The following PPP2R1A variants were observed in gnomAD, a reference collection of about 807,000 sequenced individuals.
PPP2R1A encodes the protein serine/threonine-protein phosphatase 2A 65 kDa regulatory subunit A alpha isoform.
PPP2R1A carries 15 observed loss-of-function variants against 67.1 expected under a neutral mutation model. The observed-to-expected ratio is 0.22, with a 90% CI of 0.15 to 0.34. The LOEUF is 0.34. Among genes scored for constraint, PPP2R1A ranks in the 10% least tolerant of loss-of-function variants. The probability of loss-of-function intolerance (pLI) is 1.00; values close to 1 mark genes in which losing one functional copy is unlikely to be tolerated. For synonymous variants in PPP2R1A, 337 were observed against 325.0 expected (o/e 1.04, Z -0.40); for missense variants, 369 against 775.0 (o/e 0.48, Z 6.22).
At chr19:52,191,406 G>A (rs1271401296) in intron 1 of PPP2R1A, 1 of 152,218 alleles carries the variant, frequency 6.6e-6, no homozygotes. Context: ...ATGGTGTCAG[G>A]CCTGTTGTAA....
At chr19:52,192,884 C>T (rs1257310636) in intron 1 of PPP2R1A, among the ~76,000 whole-genome samples, 1 of 152,206 alleles carries the variant, frequency 6.6e-6, no homozygotes, top group Admixed American at 6.5e-5. Context: ...AGGTGTTCAT[C>T]TGTCTGGAAG....
In PPP2R1A at chr19:52,219,106, C is replaced by G. The variant is rs1978759340; in HGVS notation, c.1129-585C>G. Among the ~76,000 whole-genome samples, 1 of 152,212 alleles carries G rather than the reference C, an allele frequency of 6.6e-6. No individual in the cohort carries two copies. The highest frequency in any genetic ancestry group is 2.4e-5 in the African/African-American group (1 of 41,456). The stretch of plus-strand genomic sequence containing the variant: ...GTGAGGTATAGTCTCTGAGCCTTCT[C>G]TTCTCATGCACATGTTCAGCAGCTT... On this transcript the variant is annotated intron_variant, in intron 9 of 14. Coordinates refer to ENST00000322088, the MANE Select transcript of PPP2R1A (RefSeq NM_014225.6). The surrounding 1 kb of genome is among the most constrained non-coding windows in gnomAD (Gnocchi z 4.0).
chr19:52,204,658 A>T, intron 2 of PPP2R1A, among the ~76,000 whole-genome samples: 1 of 152,316 alleles, frequency 6.6e-6, no homozygotes, highest in African/African-American at 2.4e-5. Flanking sequence ...CAGGAGACAA[A>T]GAAAACAGGG....
chr19:52,213,248 A>T lies in PPP2R1A; in HGVS notation c.807+138A>T. On this transcript the variant is annotated intron_variant, in intron 6 of 14. Transcript: ENST00000322088. The surrounding 1 kb of genome is among the most constrained non-coding windows in gnomAD (Gnocchi z 4.2). ...AGCAATAAGATCTCTATGATCATCT[A>T]ACTGCGTCTCGCTTCGTGTGCCAAT... 1.8e-6 allele frequency: 2 copies of T among 1,128,474 alleles called. No individual in the cohort carries two copies. The highest frequency in any genetic ancestry group is 2.4e-6 in the Non-Finnish European group (2 of 840,762). The allele number at this position is 1,128,474 out of a possible 1,614,324, so 69.9% of individuals were successfully genotyped here.
chr19:52,210,748 T>A (rs1365795024), intron 3 of PPP2R1A, among the ~76,000 whole-genome samples: 1 of 152,196 alleles, frequency 6.6e-6, no homozygotes, highest in African/African-American at 2.4e-5. Context: ...CGCTTCAGCC[T>A]CCCATAGTGC....
intron 1 of PPP2R1A, chr19:52,201,251 T>C (rs564589539): frequency 6.6e-6 from 1 of 152,428 alleles, no homozygotes; most frequent in Admixed American, 6.5e-5. Context: ...CCTGTACTGG[T>C]GGTATTATTA....
chr19:52,219,904 G>T lies in PPP2R1A; in HGVS notation c.1302+40G>T, dbSNP rs902879350. 12 of 1,583,460 alleles carry T rather than the reference G, an allele frequency of 7.6e-6. No individual in the cohort carries two copies. The highest frequency in any genetic ancestry group is 1.0e-5 in the Non-Finnish European group (12 of 1,165,904). On this transcript the variant is annotated intron_variant, in intron 10 of 14. Coordinates refer to ENST00000322088, the MANE Select transcript of PPP2R1A (RefSeq NM_014225.6). The surrounding 1 kb of genome is among the most constrained non-coding windows in gnomAD (Gnocchi z 4.0). ...CTGGGGGCCAGGCAGTGCTGCCTCA[G>T]GGGAGGTGCAGTATGTCCAGGGCTG...
intron 1 of PPP2R1A, chr19:52,190,426 G>C: frequency 3.5e-6 from 2 of 564,980 alleles, no homozygotes; most frequent in Non-Finnish European, 6.4e-6. Flanking sequence ...GCGGCGGTCC[G>C]CGGTCCTGGG....
intron 1 of PPP2R1A, among the ~76,000 whole-genome samples, chr19:52,190,645 A>G (rs2089445036): frequency 6.6e-6 from 1 of 152,110 alleles, no homozygotes. Context: ...CCGAGAGGCG[A>G]AGGCCTGCCA....
chr19:52,197,584 A>G (rs1452788865), intron 1 of PPP2R1A, among the ~76,000 whole-genome samples: 1 of 152,146 alleles, frequency 6.6e-6, no homozygotes, highest in African/African-American at 2.4e-5. Context: ...CTGAGGCGGG[A>G]GAATCACTTG....
chr19:52,216,223 C>T lies in PPP2R1A; in HGVS notation c.993+149C>T, dbSNP rs1047240478. ...TCTTGGGTTTCAAGCAGTTAGGGGTCCTGACTGCAGCTTGAGGCTGACCTT... is the reference window on the plus strand; with the variant it reads ...TCTTGGGTTTCAAGCAGTTAGGGGTTCTGACTGCAGCTTGAGGCTGACCTT... On this transcript the variant is annotated intron_variant, in intron 8 of 14. Coordinates refer to ENST00000322088, the MANE Select transcript of PPP2R1A (RefSeq NM_014225.6). This position sits in a 1 kb window ranked among gnomAD's most constrained non-coding sequence, Gnocchi z 4.3. 3.3e-5 allele frequency: 29 copies of T among 877,432 alleles called. No homozygotes were observed. Among genetic ancestry groups the T allele is most frequent in the Non-Finnish European group, 4.9e-5 (28 of 572,630 alleles). 54.4% of individuals were successfully genotyped at this position (877,432 alleles called of 1,614,324 possible).
rs1251350457 is a variant in PPP2R1A at position 52,223,569 on chromosome 19, T to C, written c.1661+1328T>C. Reference sequence around the variant, plus strand: ...TGGGGAAAAAGACTTGAATAGGCACTTGAAAAAGGATCTCCAAATAGCCAG... The same window carrying C: ...TGGGGAAAAAGACTTGAATAGGCACCTGAAAAAGGATCTCCAAATAGCCAG... On this transcript the variant is annotated intron_variant, in intron 13 of 14. Transcript: ENST00000322088. 1.1e-4 allele frequency among the ~76,000 whole-genome samples: 16 copies of C among 152,318 alleles called. No individual in the cohort carries two copies. In the East Asian group the frequency reaches 3.1e-3, roughly 29 times the overall value.
chr19:52,195,443 T>A (rs1181455781), intron 1 of PPP2R1A, among the ~76,000 whole-genome samples: 1 of 152,174 alleles, frequency 6.6e-6, no homozygotes, highest in Non-Finnish European at 1.5e-5. Flanking sequence ...AGCATTCAGT[T>A]CTGCAGCACA....
chr19:52,205,135 A>G (rs1452274000), intron 2 of PPP2R1A, among the ~76,000 whole-genome samples: 1 of 152,178 alleles, frequency 6.6e-6, no homozygotes, highest in African/African-American at 2.4e-5. Context: ...CGGCTGCTGG[A>G]TTGCCATACA....
rs1288901554 is a variant in PPP2R1A, at chr19:52,211,260, C to A, written c.271C>A (p.Pro91Thr). The change falls in exon 4 of 15, where the codon CCA becomes ACA. Residue 91 changes from proline (P) to threonine (T), a missense_variant and splice_region_variant. Around this residue, in one of 2 missense-constraint regions of PPP2R1A, gnomAD observed 93 missense variants for 266.5 expected, o/e 0.35. Coordinates refer to ENST00000322088, the MANE Select transcript of PPP2R1A (RefSeq NM_014225.6). The surrounding 1 kb of genome is among the most constrained non-coding windows in gnomAD (Gnocchi z 5.3). Reference sequence around the variant, plus strand: ...CAGTGACTTTGTGTTCTCACCACAGCCACCGCTGGAGTCGCTGGCCACAGT... The same window carrying A: ...CAGTGACTTTGTGTTCTCACCACAGACACCGCTGGAGTCGCTGGCCACAGT... ...GGPEYVHCLL[P>T]PLESLATVEE... The A allele has an allele frequency of 6.2e-7, 1 of 1,611,788 alleles. No individual in the cohort carries two copies. Among genetic ancestry groups the A allele is most frequent in the African/African-American group, 1.3e-5 (1 of 74,990 alleles).
chr19:52,227,407 C>T lies in PPP2R1A; in HGVS notation c.*1426C>T, dbSNP rs991889973. On this transcript the variant is annotated 3_prime_UTR_variant, in exon 15 of 15. Transcript: ENST00000322088. ...GTGAAGAGCCATGCCAGTACTGTCACCTGGGAGAATTAAACTGGTCAAGTG... is the reference window on the plus strand; with the variant it reads ...GTGAAGAGCCATGCCAGTACTGTCATCTGGGAGAATTAAACTGGTCAAGTG... 2 of 152,144 alleles carry T rather than the reference C, an allele frequency of 1.3e-5. No individual in the cohort carries two copies. The highest frequency in any genetic ancestry group is 2.9e-5 in the Non-Finnish European group (2 of 68,046). The allele number at this position is 152,144 out of a possible 1,614,324, so 9.4% of individuals were successfully genotyped here. A position where few individuals can be genotyped will look rare whatever the true frequency, so the allele number is the denominator to read the frequency against.
intron 3 of PPP2R1A, among the ~76,000 whole-genome samples, chr19:52,210,585 C>T (rs748363190): frequency 2.4e-4 from 36 of 151,456 alleles, no homozygotes; most frequent in Non-Finnish European, 4.9e-4. Context: ...CTCTGCCTCC[C>T]GGGTTCAAGG....
chr19:52,199,721 A>G (rs2089529493), intron 1 of PPP2R1A, among the ~76,000 whole-genome samples: 1 of 152,238 alleles, frequency 6.6e-6, no homozygotes, highest in Non-Finnish European at 1.5e-5. Flanking sequence ...AATGTATAGA[A>G]TAAGTTTTGC....
intron 3 of PPP2R1A, among the ~76,000 whole-genome samples, chr19:52,206,983 A>G (rs957389138): frequency 2.0e-5 from 3 of 152,206 alleles, no homozygotes; most frequent in Non-Finnish European, 2.9e-5. Flanking sequence ...TGTATAAAGA[A>G]TGGTGCTTAT....
Sources: allele counts gnomAD v4.1 joint callset (sites outside exome capture counted in the v4.1 genomes callset), GRCh38; gene constraint gnomAD v4.1.1; regional missense constraint gnomAD v4.1.1; non-coding constraint Gnocchi (gnomAD v3.1); transcripts MANE v1.5; gene names NCBI Gene and HGNC (gene_info 2026-07-23, HGNC 2026-07-21).